ROBO2: variants seen among roughly 807,000 people sequenced by gnomAD.
The protein encoded by ROBO2 is roundabout guidance receptor 2, also known as roundabout homolog 2.
In ROBO2, 53 loss-of-function variants were observed where a neutral mutation model predicts 160.8. The observed-to-expected ratio is 0.33, with a 90% CI of 0.26 to 0.41. ROBO2 has a LOEUF of 0.41. Ranked by LOEUF, ROBO2 falls within the 10% of genes least tolerant of loss-of-function variation. The pLI is 1.00. For missense variants in ROBO2, 1,577 were observed against 1,722.4 expected (o/e 0.92, Z 1.49); for synonymous variants, 664 against 611.7 (o/e 1.09, Z -1.26).
chr3:77,040,542 C>T (rs989918452), exon 1 of ROBO2: 1 of 1,388,360 alleles, frequency 7.2e-7, no homozygotes, highest in Admixed American at 3.0e-5. Context: ...ATTTAGGAAG[C>T]CAGAGTGCTG....
intron 2 of ROBO2, among the ~76,000 whole-genome samples, chr3:76,220,274 A>G (rs560129676): frequency 3.9e-5 from 6 of 151,970 alleles, no homozygotes; most frequent in Middle Eastern, 6.8e-3. Flanking sequence ...ACATGTATAC[A>G]TATGTAACAA....
At chr3:77,319,739 A>G (rs2064469492) in intron 2 of ROBO2, among the ~76,000 whole-genome samples, 1 of 152,206 alleles carries the variant, frequency 6.6e-6, no homozygotes, top group Non-Finnish European at 1.5e-5. Context: ...CTATGTCATA[A>G]TGTCTGCATT....
intron 2 of ROBO2, among the ~76,000 whole-genome samples, chr3:76,404,406 A>G (rs932852586): frequency 6.6e-6 from 1 of 151,536 alleles, no homozygotes; most frequent in African/African-American, 2.4e-5. Context: ...TTAATTTGGA[A>G]GAAATACAAG....
intron 2 of ROBO2, among the ~76,000 whole-genome samples, chr3:76,998,489 C>A (rs1195769661): frequency 6.6e-6 from 1 of 152,134 alleles, no homozygotes. Context: ...CTTCCACATA[C>A]ATTTAATCCT....
intron 2 of ROBO2, among the ~76,000 whole-genome samples, chr3:77,463,207 A>G (rs1333441266): frequency 2.0e-5 from 3 of 152,188 alleles, no homozygotes; most frequent in Admixed American, 6.5e-5. Context: ...CTGTTACCTC[A>G]CAGAGGTAGT....
rs577647868 is a variant in ROBO2, at chr3:77,111,334, T to C, written c.388+12994T>C. Among the ~76,000 whole-genome samples, 14 of 152,254 alleles carry C rather than the reference T, an allele frequency of 9.2e-5. 1 individual carries two copies. In the South Asian group the frequency reaches 1.2e-3, roughly 14 times the overall value. ...CTACTAGAGATACTAGTAGTATCTC[T>C]CTTAGATCCTGTGAATCTATACTTA... On this transcript the variant is annotated intron_variant, in intron 2 of 25. Coordinates refer to ENST00000461745, the Ensembl canonical transcript of ROBO2.
At chr3:77,329,017 G>C (rs2065723575) in intron 2 of ROBO2, among the ~76,000 whole-genome samples, 2 of 152,174 alleles carry the variant, frequency 1.3e-5, no homozygotes, top group Admixed American at 1.3e-4. Flanking sequence ...CAAACTCAGT[G>C]AACTTCCCTG....
chr3:76,905,763 G>C (rs1224382549), intron 2 of ROBO2, among the ~76,000 whole-genome samples: 5 of 152,078 alleles, frequency 3.3e-5, no homozygotes, highest in East Asian at 3.8e-4. Flanking sequence ...TGTCTTACAT[G>C]CTTCTTATTT....
intron 2 of ROBO2, among the ~76,000 whole-genome samples, chr3:76,989,266 A>G (rs1271591666): frequency 2.0e-5 from 3 of 152,164 alleles, no homozygotes; most frequent in African/African-American, 7.2e-5. Flanking sequence ...GGGATATTAT[A>G]GCCACTTACC....
At chr3:76,640,032 G>A (rs1423611976) in intron 2 of ROBO2, among the ~76,000 whole-genome samples, 1 of 152,132 alleles carries the variant, frequency 6.6e-6, no homozygotes, top group Non-Finnish European at 1.5e-5. Flanking sequence ...AGCTACTTTA[G>A]GTTTAGCATT....
At chr3:76,134,868 A>C (rs2071370261) in intron 2 of ROBO2, among the ~76,000 whole-genome samples, 1 of 151,204 alleles carries the variant, frequency 6.6e-6, no homozygotes, top group Non-Finnish European at 1.5e-5. Flanking sequence ...TAAACCTCAC[A>C]AAAAAAAATA....
At position 76,434,610 on chromosome 3, in the gene ROBO2, T is replaced by TG. The variant is rs1468051983; in HGVS notation, c.109+497009dup. 3.3e-6 allele frequency: 5 copies of TG among 1,530,436 alleles called. No individual in the cohort carries two copies. The East Asian group carries it at 1.1e-4, about 34-fold the overall frequency. The allele number at this position is 1,530,436 out of a possible 1,614,324, so 94.8% of individuals were successfully genotyped here. On this transcript the variant is annotated intron_variant, in intron 2 of 26. Transcript: ENST00000487694. The stretch of plus-strand genomic sequence containing the variant: ...ATTAAGGAGTTCCATACCACTGGAC[T>TG]GCCTGGAGCAAAACGGGGCTGTGGC...
chr3:76,850,944 G>A (rs1178383363), intron 2 of ROBO2, among the ~76,000 whole-genome samples: 1 of 152,172 alleles, frequency 6.6e-6, no homozygotes, highest in African/African-American at 2.4e-5. Context: ...TGTAAAATAA[G>A]AGTTTCATCT....
chr3:77,236,488 A>C (rs1189422720), intron 2 of ROBO2, among the ~76,000 whole-genome samples: 2 of 152,208 alleles, frequency 1.3e-5, no homozygotes, highest in East Asian at 1.9e-4. Flanking sequence ...CCAGTTTTTC[A>C]GGGTAACGTT....
chr3:77,532,265 G>A (rs77908466), intron 6 of ROBO2, among the ~76,000 whole-genome samples: 5,207 of 150,910 alleles, frequency 0.035, 169 homozygotes, highest in East Asian at 0.17. Context: ...TCTTGGTATT[G>A]AATGGTATTA....
At chr3:76,555,391 A>AAGAAGC (rs1560141019) in intron 2 of ROBO2, among the ~76,000 whole-genome samples, 2 of 71,872 alleles carry the variant, frequency 2.8e-5, no homozygotes, top group African/African-American at 5.8e-5. Flanking sequence ...GAAGAAGAAG[A>AAGAAGC]AGAAGAAGAA....
At chr3:76,333,308 C>T (rs2073630648) in intron 2 of ROBO2, among the ~76,000 whole-genome samples, 1 of 152,142 alleles carries the variant, frequency 6.6e-6, no homozygotes, top group Non-Finnish European at 1.5e-5. Context: ...TACATATTAG[C>T]TGTGCAGTGA....
At chr3:77,313,873 C>T (rs1481306731) in intron 2 of ROBO2, among the ~76,000 whole-genome samples, 5 of 152,094 alleles carry the variant, frequency 3.3e-5, no homozygotes, top group South Asian at 2.1e-4. Flanking sequence ...TGTGAGCCAC[C>T]GCCCCTGGCC....
chr3:76,398,749 A>G (rs1201937772), intron 2 of ROBO2, among the ~76,000 whole-genome samples: 1 of 151,810 alleles, frequency 6.6e-6, no homozygotes, highest in Non-Finnish European at 1.5e-5. Context: ...AGTATATTCT[A>G]TTGGTTTAGT....
Sources: allele counts gnomAD v4.1 joint callset (sites outside exome capture counted in the v4.1 genomes callset), GRCh38; gene constraint gnomAD v4.1.1; transcripts MANE v1.5; gene names NCBI Gene and HGNC (gene_info 2026-07-23, HGNC 2026-07-21).